Variants in HAUS7 observed in about 807,000 individuals in gnomAD.
HAUS7 encodes the protein HAUS augmin like complex subunit 7.
In HAUS7, 3 loss-of-function variants were observed where a neutral mutation model predicts 28.4. That is an observed-to-expected ratio of 0.11 (90% CI 0.05 to 0.27). The LOEUF (loss-of-function observed/expected upper bound fraction) is 0.27. Ranked by LOEUF, HAUS7 falls within the 10% of genes least tolerant of loss-of-function variation. The probability of loss-of-function intolerance (pLI) is 1.00; values close to 1 mark genes in which losing one functional copy is unlikely to be tolerated. For missense variants in HAUS7, 284 were observed against 297.3 expected (o/e 0.96, Z 0.33); for synonymous variants, 165 against 132.1 (o/e 1.25, Z -1.71).
chrX:153,470,844 C>T (rs1556985134), upstream of HAUS7: 3 of 389,721 alleles, frequency 7.7e-6, no homozygotes, highest in Admixed American at 6.1e-5. Flanking sequence ...GGAGGCGGGG[C>T]GGACACCGGG....
At chrX:153,457,889 C>G (rs910420056) in intron 4 of HAUS7, among the ~76,000 whole-genome samples, 1 of 113,373 alleles carries the variant, frequency 8.8e-6, no homozygotes, top group East Asian at 2.8e-4. Flanking sequence ...TGAGAGGCTA[C>G]GCCTGCTCCA....
intron 4 of HAUS7, among the ~76,000 whole-genome samples, chrX:153,458,946 C>T (rs184318544): frequency 9.0e-6 from 1 of 111,476 alleles, no homozygotes; most frequent in Non-Finnish European, 1.9e-5. Context: ...TTTGTAGAGA[C>T]GGGGTCTTAC....
chrX:153,491,760 C>T (rs2089672336), intron 1 of HAUS7, among the ~76,000 whole-genome samples: 1 of 113,004 alleles, frequency 8.8e-6, no homozygotes, highest in Non-Finnish European at 1.9e-5. Context: ...AGCAGGCTGC[C>T]CAGGGCTGCC....
At position 153,468,279 on chromosome X, in the gene HAUS7, C is replaced by G. The variant is rs143424246; in HGVS notation, c.224+867G>C. Among the ~76,000 whole-genome samples, 672 of 112,444 alleles carry G rather than the reference C, an allele frequency of 6.0e-3. 2 individuals carry two copies. The highest frequency in any genetic ancestry group is 0.021 in the African/African-American group (647 of 30,982). On this transcript the variant is annotated intron_variant, in intron 2 of 9. Coordinates refer to ENST00000370211, the MANE Select transcript of HAUS7 (RefSeq NM_001385482.1). ...CTCCCGCCCAGGCCCCTTCCTCAAG[C>G]AGCAAGGGTAGGCAGGCCGCAGGCT...
chrX:153,492,683 G>A (rs1052855254), intron 1 of HAUS7, among the ~76,000 whole-genome samples: 3 of 110,691 alleles, frequency 2.7e-5, no homozygotes, highest in African/African-American at 6.6e-5. Context: ...GGGTGAGGTC[G>A]GTGCAGGGCC....
chrX:153,457,452 A>G (rs17091333), intron 4 of HAUS7, among the ~76,000 whole-genome samples: 4,982 of 113,256 alleles, frequency 0.044, 253 homozygotes, highest in African/African-American at 0.15. Context: ...ACCACACGCC[A>G]GAACGGGCTG....
intron 1 of HAUS7, among the ~76,000 whole-genome samples, chrX:153,486,406 G>A (rs1014896928): frequency 2.6e-4 from 29 of 112,482 alleles, no homozygotes; most frequent in African/African-American, 7.1e-4. Context: ...AGCCTGGAGC[G>A]ACAAGGGCTG....
At chrX:153,479,182 A>C in intron 1 of HAUS7, 1 of 202,424 alleles carries the variant, frequency 4.9e-6, no homozygotes, top group Non-Finnish European at 7.4e-6. Context: ...TCAGGGAGCA[A>C]GACCAACTTG....
chrX:153,483,377 G>A (rs1391297788), intron 1 of HAUS7: 23 of 754,427 alleles, frequency 3.0e-5, no homozygotes, highest in African/African-American at 2.7e-4. Context: ...CAGCCTCAGC[G>A]TGCTGGTGCT....
At chrX:153,492,870 T>C (rs2089679954) in intron 1 of HAUS7, among the ~76,000 whole-genome samples, 1 of 111,713 alleles carries the variant, frequency 9.0e-6, no homozygotes, top group Non-Finnish European at 1.9e-5. Flanking sequence ...TATTCAGAGC[T>C]GTTTCACCCC....
rs1235511867 is a variant in HAUS7, at chrX:153,470,360, G to T, written c.108+90C>A. On this transcript the variant is annotated intron_variant, in intron 1 of 9. Coordinates refer to ENST00000370211, the MANE Select transcript of HAUS7 (RefSeq NM_001385482.1). ...GAACCGGCGACGGTGGCCGCGTGGC[G>T]CCGCGGACTTCCGCAGCAAGCCCTC... 5 of 959,782 alleles carry T rather than the reference G, an allele frequency of 5.2e-6. No homozygotes were observed. In the East Asian group the frequency reaches 1.0e-4, roughly 19 times the overall value. 79.1% of individuals were successfully genotyped at this position (959,782 alleles called of 1,213,427 possible).
At chrX:153,460,084 T>C (rs782614977) in intron 4 of HAUS7, among the ~76,000 whole-genome samples, 11 of 112,735 alleles carry the variant, frequency 9.8e-5, no homozygotes, top group Non-Finnish European at 1.9e-4. Flanking sequence ...ATTCCTTTGA[T>C]TGTTTATCCA....
intron 1 of HAUS7, among the ~76,000 whole-genome samples, chrX:153,494,577 G>A (rs979548047): frequency 2.7e-5 from 3 of 112,155 alleles, no homozygotes; most frequent in African/African-American, 9.7e-5. Context: ...GCCCAAGGCC[G>A]CCTCCCCCTC....
chrX:153,480,245 C>T (rs190318417), intron 1 of HAUS7, among the ~76,000 whole-genome samples: 100 of 110,360 alleles, frequency 9.1e-4, no homozygotes, highest in African/African-American at 3.2e-3. Flanking sequence ...GCTGCTGAAG[C>T]TCCCTGGGCC....
intron 8 of HAUS7, chrX:153,454,891 G>A (rs2089285042): frequency 9.7e-7 from 1 of 1,031,690 alleles, no homozygotes; most frequent in Non-Finnish European, 1.3e-6. Flanking sequence ...CCTGATCGAG[G>A]GGTCTCACAG....
At position 153,486,739 on chromosome X, in the gene HAUS7, G is replaced by A. The variant is rs781993219; in HGVS notation, c.-589+8635C>T. The A allele has an allele frequency of 4.1e-6, 4 of 981,064 alleles. No individual in the cohort carries two copies. The South Asian group carries it at 6.0e-5, about 15-fold the overall frequency. 80.9% of individuals were successfully genotyped at this position (981,064 alleles called of 1,213,427 possible). A position where few individuals can be genotyped will look rare whatever the true frequency, so the allele number is the denominator to read the frequency against. On this transcript the variant is annotated intron_variant, in intron 1 of 5. Coordinates refer to the HAUS7 transcript ENST00000370210. Reference sequence around the variant, plus strand: ...TGACCGGCGCCGCATCCCGCCCACTGCCTTCTCCTGCACCCGAGCCTATCA... The same window carrying A: ...TGACCGGCGCCGCATCCCGCCCACTACCTTCTCCTGCACCCGAGCCTATCA...
At position 153,465,072 on chromosome X, in the gene HAUS7, G is replaced by C. The variant is rs1311472641; in HGVS notation, c.225-17C>G. The C allele has an allele frequency of 1.8e-6, 2 of 1,141,814 alleles. No individual in the cohort carries two copies. The highest frequency in any genetic ancestry group is 1.2e-6 in the Non-Finnish European group (1 of 834,056). 94.1% of individuals were successfully genotyped at this position (1,141,814 alleles called of 1,213,427 possible). Reference sequence around the variant, plus strand: ...GGCCAGACCCTGCAGGGAAACAGCAGAGCTGGTCAGGCCGGAGACAGCCAG... The same window carrying C: ...GGCCAGACCCTGCAGGGAAACAGCACAGCTGGTCAGGCCGGAGACAGCCAG... On this transcript the variant is annotated splice_polypyrimidine_tract_variant and intron_variant, in intron 2 of 9. Coordinates refer to ENST00000370211, the MANE Select transcript of HAUS7 (RefSeq NM_001385482.1).
intron 2 of HAUS7, among the ~76,000 whole-genome samples, chrX:153,468,084 C>A (rs2089475721): frequency 8.9e-6 from 1 of 112,155 alleles, no homozygotes; most frequent in Admixed American, 9.3e-5. Context: ...GAGGAAGGGC[C>A]TAGAAGGCAG....
At chrX:153,494,390 G>A (rs1367537288) in intron 1 of HAUS7, among the ~76,000 whole-genome samples, 1 of 112,135 alleles carries the variant, frequency 8.9e-6, no homozygotes, top group Non-Finnish European at 1.9e-5. Context: ...TCTTTTTAAG[G>A]GAAGAAAGTC....
Sources: allele counts gnomAD v4.1 joint callset (sites outside exome capture counted in the v4.1 genomes callset), GRCh38; gene constraint gnomAD v4.1.1; transcripts MANE v1.5; gene names NCBI Gene and HGNC (gene_info 2026-07-23, HGNC 2026-07-21).